The following DAG1 variants were observed in gnomAD, a reference collection of about 807,000 sequenced individuals.
The protein encoded by DAG1 is dystroglycan 1 (dystrophin-associated glycoprotein 1).
Under a neutral mutation model 46.1 loss-of-function variants are expected in DAG1, and 8 were observed. The observed-to-expected ratio is 0.17, with a 90% CI of 0.10 to 0.31. DAG1 has a LOEUF of 0.31. Among genes scored for constraint, DAG1 ranks in the 10% least tolerant of loss-of-function variants. DAG1 has a pLI of 1.00. For missense variants in DAG1, 1,003 were observed against 1,189.9 expected, an observed-to-expected ratio of 0.84 and a Z score of 2.31; for synonymous variants, 495 against 481.8, an observed-to-expected ratio of 1.03 and a Z score of -0.36.
rs537297425 is a variant in DAG1, at chr3:49,532,792, G to A, written c.2281G>A (p.Ala761Thr). The A allele has an allele frequency of 9.9e-6, 16 of 1,614,044 alleles. No homozygotes were observed. The highest frequency in any genetic ancestry group is 9.3e-5 in the African/African-American group (7 of 75,050). ...LHTVIPAVVV[A>T]AILLIAGIIA... The stretch of plus-strand genomic sequence containing the variant: ...CACAGTCATTCCGGCCGTGGTGGTC[G>A]CAGCCATCCTGCTCATTGCTGGCAT... The change falls in exon 3 of 3, where the codon GCA becomes ACA. Residue 761 changes from alanine (A) to threonine (T), a missense_variant. This residue lies in a region of DAG1 where 755 missense variants were observed against 854.1 expected (regional missense o/e 0.88). Transcript: ENST00000308775. The surrounding 1 kb of genome is among the most constrained non-coding windows in gnomAD (Gnocchi z 5.4).
intron 1 of DAG1, chr3:49,488,572 C>T (rs571015514): frequency 2.0e-5 from 3 of 152,108 alleles, no homozygotes; most frequent in East Asian, 3.9e-4. Context: ...TGAGGTCTCT[C>T]AGTTCTGCTA....
In DAG1 at chr3:49,533,827, A is replaced by G; in HGVS notation, c.*628A>G. 5.4e-6 allele frequency: 1 copy of G among 186,244 alleles called. No individual in the cohort carries two copies. 11.5% of individuals were successfully genotyped at this position (186,244 alleles called of 1,614,324 possible). A position where few individuals can be genotyped will look rare whatever the true frequency, so the allele number is the denominator to read the frequency against. On this transcript the variant is annotated 3_prime_UTR_variant, in exon 3 of 3. Coordinates refer to ENST00000308775, the MANE Select transcript of DAG1 (RefSeq NM_004393.6). ...AGGGACAGTATTTTTTATCAAAGGA[A>G]TACTATTTTTTCACACTACGTCAAC... is the stretch of plus-strand genomic sequence containing the variant.
At chr3:49,527,766 T>C (rs909165953) in intron 2 of DAG1, among the ~76,000 whole-genome samples, 7 of 152,150 alleles carry the variant, frequency 4.6e-5, no homozygotes, top group Non-Finnish European at 7.3e-5. Context: ...TGCTGACTTA[T>C]CAACACTGAT....
At chr3:49,491,104 C>T (rs1575358197) in intron 1 of DAG1, among the ~76,000 whole-genome samples, 1 of 151,952 alleles carries the variant, frequency 6.6e-6, no homozygotes, top group East Asian at 1.9e-4. Context: ...AGGCTGGTCT[C>T]GAACTCCTGA....
At chr3:49,510,931 A>G (rs2050746917) in intron 2 of DAG1, 112 bp downstream of exon 2, 7 of 1,542,412 alleles carry the variant, frequency 4.5e-6, no homozygotes, top group South Asian at 2.4e-5. Flanking sequence ...CAGTTCTTCC[A>G]GTACCCCCTT....
intron 1 of DAG1, among the ~76,000 whole-genome samples, chr3:49,486,172 C>T (rs1434520722): frequency 6.6e-6 from 1 of 150,802 alleles, no homozygotes; most frequent in East Asian, 1.9e-4. Flanking sequence ...ATTTATACCA[C>T]TATTTTCTTT....
At chr3:49,503,597 C>G (rs2050516506) in intron 1 of DAG1, among the ~76,000 whole-genome samples, 1 of 151,990 alleles carries the variant, frequency 6.6e-6, no homozygotes, top group Non-Finnish European at 1.5e-5. Context: ...TTTGAGAGGC[C>G]AAGGTGGGTG....
At chr3:49,509,576 TAG>T (rs2050706655) in intron 1 of DAG1, among the ~76,000 whole-genome samples, 1 of 152,166 alleles carries the variant, frequency 6.6e-6, no homozygotes, top group Non-Finnish European at 1.5e-5. Context: ...TTTCTTTGCA[TAG>T]CTCCCATATT....
At chr3:49,486,478 G>A (rs1232925917) in intron 1 of DAG1, among the ~76,000 whole-genome samples, 4 of 150,930 alleles carry the variant, frequency 2.7e-5, no homozygotes, top group Admixed American at 1.3e-4. Context: ...TCAGTATCCT[G>A]AAGTGCTGGG....
intron 1 of DAG1, among the ~76,000 whole-genome samples, chr3:49,486,513 C>A (rs963742779): frequency 6.7e-6 from 1 of 149,618 alleles, no homozygotes; most frequent in African/African-American, 2.5e-5. Flanking sequence ...CCACCGCGCC[C>A]GGCCCTTTTT....
At position 49,535,364 on chromosome 3, in the gene DAG1, C is replaced by T. The variant is rs985699958; in HGVS notation, c.*2165C>T. On this transcript the variant is annotated 3_prime_UTR_variant, in exon 3 of 3. Coordinates refer to ENST00000308775, the MANE Select transcript of DAG1 (RefSeq NM_004393.6). ...GTGGCTGGCCCAGAATGGCCTGTTGCCATAGCAACTGGAGGCGATGGGGCA... is the reference window on the plus strand; with the variant it reads ...GTGGCTGGCCCAGAATGGCCTGTTGTCATAGCAACTGGAGGCGATGGGGCA... The T allele has an allele frequency of 6.6e-6, 1 of 152,662 alleles. No homozygotes were observed. The highest frequency in any genetic ancestry group is 1.5e-5 in the Non-Finnish European group (1 of 68,056). 9.5% of individuals were successfully genotyped at this position (152,662 alleles called of 1,614,324 possible).
At chr3:49,490,717 A>T (rs1031430919) in intron 1 of DAG1, among the ~76,000 whole-genome samples, 1 of 151,250 alleles carries the variant, frequency 6.6e-6, no homozygotes, top group African/African-American at 2.4e-5. Flanking sequence ...CTGCAGGTGC[A>T]GGCTACCATG....
intron 1 of DAG1, among the ~76,000 whole-genome samples, chr3:49,481,071 T>A (rs1047732636): frequency 6.1e-5 from 9 of 148,614 alleles, no homozygotes; most frequent in African/African-American, 2.2e-4. Context: ...TGCATAAAGT[T>A]TTTTAAAAGT....
At chr3:49,476,106 A>C (rs926234691) in intron 1 of DAG1, among the ~76,000 whole-genome samples, 4 of 152,140 alleles carry the variant, frequency 2.6e-5, no homozygotes, top group Non-Finnish European at 5.9e-5. Context: ...AGGGTGTCAA[A>C]GTTGGTGAAG....
chr3:49,531,510 G>GC lies in DAG1; in HGVS notation c.1004dup (p.Ser336IlefsTer105). On this transcript the variant is annotated frameshift_variant, in exon 3 of 3. Coordinates refer to ENST00000308775, the MANE Select transcript of DAG1 (RefSeq NM_004393.6). LOFTEE classifies it high-confidence loss of function. The surrounding 1 kb of genome is among the most constrained non-coding windows in gnomAD (Gnocchi z 7.0). ...GGCCCCCAACCACGGCTATCCAGGA[G>GC]CCCCCATCCAGGATCGTGCCAACCC... 6.2e-7 allele frequency: 1 copy of GC among 1,612,272 alleles called. No homozygotes were observed. Among genetic ancestry groups the GC allele is most frequent in the South Asian group, 1.1e-5 (1 of 91,018 alleles).
chr3:49,528,275 ATTTTTTTTTTTT>A (rs147292984), intron 2 of DAG1, among the ~76,000 whole-genome samples: 6 of 66,630 alleles, frequency 9.0e-5, no homozygotes, highest in African/African-American at 2.1e-4. Flanking sequence ...AAATAGTGTG[ATTTTTTTTTTTT>A]TTTTTTTTTT....
In DAG1 at chr3:49,533,074, G is replaced by C. The variant is rs764277997; in HGVS notation, c.2563G>C (p.Asp855His). The C allele has an allele frequency of 6.2e-7, 1 of 1,614,154 alleles. No homozygotes were observed. The highest frequency in any genetic ancestry group is 1.1e-5 in the South Asian group (1 of 91,080). ...DTMGEYTPLR[D>H]EDPNAPPYQP... Reference sequence around the variant, plus strand: ...CATGGGAGAGTACACGCCCCTGCGGGATGAGGATCCCAATGCGCCTCCCTA... The same window carrying C: ...CATGGGAGAGTACACGCCCCTGCGGCATGAGGATCCCAATGCGCCTCCCTA... Residue 855 changes from aspartate to histidine, a missense_variant, in exon 3 of 3, where the codon GAT (aspartate) becomes CAT (histidine). Physicochemically the swap from Asp to His is moderately conservative, Grantham distance 81. Around this residue, in one of 3 missense-constraint regions of DAG1, gnomAD observed 755 missense variants for 854.1 expected, o/e 0.88. Coordinates refer to ENST00000308775, the MANE Select transcript of DAG1 (RefSeq NM_004393.6).
chr3:49,514,028 A>AG (rs1341529262), intron 2 of DAG1, among the ~76,000 whole-genome samples: 1 of 152,182 alleles, frequency 6.6e-6, no homozygotes, highest in Non-Finnish European at 1.5e-5. Flanking sequence ...TTATTTACCA[A>AG]GGGGGTGAAG....
intron 2 of DAG1, among the ~76,000 whole-genome samples, chr3:49,528,275 ATTTTTTT>A (rs147292984): frequency 2.6e-4 from 17 of 66,658 alleles, no homozygotes; most frequent in Middle Eastern, 0.013. Flanking sequence ...AAATAGTGTG[ATTTTTTT>A]TTTTTTTTTT....
Sources: allele counts gnomAD v4.1 joint callset (sites outside exome capture counted in the v4.1 genomes callset), GRCh38; gene constraint gnomAD v4.1.1; regional missense constraint gnomAD v4.1.1; non-coding constraint Gnocchi (gnomAD v3.1); transcripts MANE v1.5; gene names NCBI Gene and HGNC (gene_info 2026-07-23, HGNC 2026-07-21).